SLC39A9: variants seen among roughly 807,000 people sequenced by gnomAD.
SLC39A9 encodes solute carrier family 39 member 9, also known as zinc transporter ZIP9.
In SLC39A9, 14 loss-of-function variants were observed where a neutral mutation model predicts 28.4. The observed-to-expected ratio is 0.49, with a 90% CI of 0.33 to 0.77. SLC39A9 has a LOEUF of 0.77. SLC39A9 is among the 30% of genes least tolerant of loss of function. The pLI, the probability that SLC39A9 is intolerant of heterozygous loss-of-function variation, is 0.02. For synonymous variants in SLC39A9, 119 were observed against 149.6 expected, an observed-to-expected ratio of 0.80 and a Z score of 1.49; for missense variants, 283 against 381.1, an observed-to-expected ratio of 0.74 and a Z score of 2.14.
At position 69,450,453 on chromosome 14, in the gene SLC39A9, A is replaced by T. The variant is rs190709925; in HGVS notation, c.404-2788A>T. On this transcript the variant is annotated intron_variant, in intron 3 of 6. Coordinates refer to ENST00000336643, the MANE Select transcript of SLC39A9 (RefSeq NM_018375.5). ...ATTTCCATTTAACGAATGATTTTTT[A>T]AAAAAAACCTGATTCTAAAGATATA... Among the ~76,000 whole-genome samples the T allele has an allele frequency of 3.5e-3, 530 of 152,022 alleles. 1 individual carries two copies. Among genetic ancestry groups the T allele is most frequent in the Non-Finnish European group, 6.3e-3 (430 of 67,930 alleles).
intron 1 of SLC39A9, among the ~76,000 whole-genome samples, chr14:69,421,268 T>G (rs1883875674): frequency 6.6e-6 from 1 of 152,190 alleles, no homozygotes; most frequent in Non-Finnish European, 1.5e-5. Flanking sequence ...CAGCTGCAGG[T>G]CTGTTGGAGT....
intron 2 of SLC39A9, among the ~76,000 whole-genome samples, chr14:69,432,617 C>T (rs889730837): frequency 1.3e-5 from 2 of 151,922 alleles, no homozygotes; most frequent in Non-Finnish European, 2.9e-5. Flanking sequence ...GTCATAAATT[C>T]TTTCCCAAGG....
At chr14:69,448,188 C>A (rs1885430337) in intron 3 of SLC39A9, among the ~76,000 whole-genome samples, 1 of 113,996 alleles carries the variant, frequency 8.8e-6, no homozygotes, top group African/African-American at 3.5e-5. Flanking sequence ...GCACTCCAGC[C>A]TGGGCAACAA....
Position 69,442,404 on chromosome 14 carries a change from TTAAC to T in SLC39A9, c.403+142_403+145del, listed in dbSNP as rs1036284232. The T allele has an allele frequency of 1.0e-4, 81 of 798,030 alleles. No homozygotes were observed. In the Admixed American group the frequency reaches 1.9e-3, roughly 18 times the overall value. 49.4% of individuals were successfully genotyped at this position (798,030 alleles called of 1,614,324 possible). ...GTCTTCCTTGGGTTCTAGTGAACAT[TTAAC>T]TAAGTGGGGAGAGCTAGTGAGTTGT... On this transcript the variant is annotated intron_variant, in intron 3 of 6. Transcript: ENST00000336643.
At position 69,458,548 on chromosome 14, in the gene SLC39A9, G is replaced by C; in HGVS notation, c.879G>C (p.Leu293=). Residue 293 remains leucine (L), a synonymous_variant, in exon 7 of 7, where the codon CTG becomes CTC. Transcript: ENST00000336643. ...LSRLEVAALV[L]GCLIPLILSV... is the part of the protein sequence containing the mutation. ...GCCTGGAAGTGGCAGCCCTGGTTCT[G>C]GGTTGCCTCATCCCTCTCATCCTGT... 6.2e-7 allele frequency: 1 copy of C among 1,614,098 alleles called. No individual in the cohort carries two copies. Among genetic ancestry groups the C allele is most frequent in the Non-Finnish European group, 8.5e-7 (1 of 1,179,956 alleles).
At chr14:69,456,650 G>A (rs1465574363) in intron 6 of SLC39A9, among the ~76,000 whole-genome samples, 2 of 152,198 alleles carry the variant, frequency 1.3e-5, no homozygotes, top group African/African-American at 2.4e-5. Context: ...ACAACCCTCC[G>A]CATTTTACCC....
chr14:69,439,386 A>G (rs1884936507), intron 2 of SLC39A9, among the ~76,000 whole-genome samples: 1 of 152,236 alleles, frequency 6.6e-6, no homozygotes, highest in Non-Finnish European at 1.5e-5. Flanking sequence ...ATACTTGGGC[A>G]TAAATTTAAC....
intron 1 of SLC39A9, among the ~76,000 whole-genome samples, chr14:69,403,607 G>A (rs1384368246): frequency 1.3e-5 from 2 of 152,174 alleles, no homozygotes; most frequent in Non-Finnish European, 2.9e-5. Flanking sequence ...CAAATGTATT[G>A]TTAAATTCAA....
chr14:69,405,861 T>A (rs1164356775), intron 1 of SLC39A9, among the ~76,000 whole-genome samples: 1 of 152,204 alleles, frequency 6.6e-6, no homozygotes, highest in East Asian at 1.9e-4. Flanking sequence ...TTTATTGAGC[T>A]CTTTCTGTAT....
intron 2 of SLC39A9, among the ~76,000 whole-genome samples, chr14:69,439,994 G>T (rs980517973): frequency 6.6e-6 from 1 of 152,316 alleles, no homozygotes; most frequent in South Asian, 2.1e-4. Flanking sequence ...TTGACTCACA[G>T]TTCAGCATGG....
chr14:69,438,530 C>G (rs1414779121), intron 2 of SLC39A9, among the ~76,000 whole-genome samples: 1 of 152,116 alleles, frequency 6.6e-6, no homozygotes, highest in Non-Finnish European at 1.5e-5. Flanking sequence ...AAAGGAACCT[C>G]TTACTCTTCT....
At chr14:69,457,681 A>G (rs1375539493) in intron 6 of SLC39A9, among the ~76,000 whole-genome samples, 1 of 152,230 alleles carries the variant, frequency 6.6e-6, no homozygotes. Flanking sequence ...TATCTCAAGA[A>G]TAATACAAGC....
Position 69,424,214 on chromosome 14 carries a change from A to C in SLC39A9, c.205+12A>C. On this transcript the variant is annotated intron_variant, in intron 2 of 6. Transcript: ENST00000336643. The stretch of plus-strand genomic sequence containing the variant: ...AGATATTCTTGAGGGTGAGAAAGGG[A>C]AGAGCATTATTTGAGATATGTTATT... 6.3e-7 allele frequency: 1 copy of C among 1,582,014 alleles called. No homozygotes were observed. Among genetic ancestry groups the C allele is most frequent in the Non-Finnish European group, 8.7e-7 (1 of 1,151,100 alleles).
At chr14:69,447,109 A>G (rs1412871349) in intron 3 of SLC39A9, among the ~76,000 whole-genome samples, 1 of 152,080 alleles carries the variant, frequency 6.6e-6, no homozygotes, top group East Asian at 1.9e-4. Context: ...TGAATGTTAA[A>G]TGTAGGGGGC....
intron 4 of SLC39A9, among the ~76,000 whole-genome samples, chr14:69,453,530 AAAAG>A (rs1361920805): frequency 3.9e-5 from 6 of 152,250 alleles, no homozygotes; most frequent in Admixed American, 1.3e-4. Context: ...TTTAAAAAAA[AAAAG>A]AGAGAGAGGA....
At chr14:69,412,056 C>T (rs191068345) in intron 1 of SLC39A9, among the ~76,000 whole-genome samples, 171 of 151,588 alleles carry the variant, frequency 1.1e-3, no homozygotes, top group African/African-American at 4.0e-3. Flanking sequence ...GCTGGGATTA[C>T]AGGCATGAGC....
At chr14:69,457,206 A>G (rs575953911) in intron 6 of SLC39A9, among the ~76,000 whole-genome samples, 37 of 148,952 alleles carry the variant, frequency 2.5e-4, no homozygotes, top group Non-Finnish European at 4.5e-4. Flanking sequence ...ACACACACAC[A>G]TTTTTTTTTT....
In SLC39A9 at chr14:69,453,969, G is replaced by A. The variant is rs375899886; in HGVS notation, c.472+660G>A. The stretch of plus-strand genomic sequence containing the variant: ...AGAATGTCATCTGGAAAAGAGCCTT[G>A]GCGCTTCTGTCCTGAACAGCTCTGT... On this transcript the variant is annotated intron_variant, in intron 4 of 6. Coordinates refer to ENST00000336643, the MANE Select transcript of SLC39A9 (RefSeq NM_018375.5). Among the ~76,000 whole-genome samples the A allele has an allele frequency of 5.6e-4, 85 of 152,300 alleles. 2 individuals carry two copies. The South Asian group carries it at 0.016, about 29-fold the overall frequency.
At position 69,442,339 on chromosome 14, in the gene SLC39A9, T is replaced by G. The variant is rs560149329; in HGVS notation, c.403+73T>G. ...AGAAAGTTACAAACGATCAAATATTTCAGTCTGTATCAGTGGCCATATTTA... is the reference window on the plus strand; with the variant it reads ...AGAAAGTTACAAACGATCAAATATTGCAGTCTGTATCAGTGGCCATATTTA... On this transcript the variant is annotated intron_variant, in intron 3 of 6. Coordinates refer to ENST00000336643, the MANE Select transcript of SLC39A9 (RefSeq NM_018375.5). The G allele has an allele frequency of 2.9e-6, 4 of 1,374,208 alleles. No homozygotes were observed. The South Asian group carries it at 5.0e-5, about 17-fold the overall frequency. 85.1% of individuals were successfully genotyped at this position (1,374,208 alleles called of 1,614,324 possible).
Sources: gnomAD v4.1 joint callset for allele counts (sites outside exome capture counted in the v4.1 genomes callset) on GRCh38, gnomAD v4.1.1 for gene constraint, MANE v1.5 for transcripts, NCBI Gene and HGNC (gene_info 2026-07-23, HGNC 2026-07-21) for gene names.